Variants in NEGR1 observed in about 807,000 individuals in gnomAD.
NEGR1 encodes the protein neuronal growth regulator 1, also known as IgLON family member 4.
A neutral mutation model predicts 40.9 loss-of-function variants in NEGR1; 10 were observed. The ratio of observed to expected loss-of-function variants is 0.24; its 90% CI spans 0.15 to 0.42. The LOEUF (loss-of-function observed/expected upper bound fraction) is 0.42, where lower values mean the gene tolerates loss of function less well. NEGR1 is among the 10% of genes least tolerant of loss of function. The probability of loss-of-function intolerance (pLI) is 1.00; values close to 1 mark genes in which losing one functional copy is unlikely to be tolerated. For missense variants in NEGR1, 352 were observed against 438.9 expected (o/e 0.80, Z 1.77); for synonymous variants, 185 against 166.8 (o/e 1.11, Z -0.84).
intron 3 of NEGR1, 86 bp downstream of exon 3, chr1:71,776,086 A>G (rs1481554863): frequency 1.2e-6 from 1 of 868,398 alleles, no homozygotes; most frequent in East Asian, 3.1e-5. Flanking sequence ...AATTAAGTTG[A>G]CTCTTAAGTT....
chr1:71,928,061 C>CACACACATATGTACATATATGTATAT (rs1645796172), intron 2 of NEGR1, among the ~76,000 whole-genome samples: 1 of 53,724 alleles, frequency 1.9e-5, no homozygotes, highest in South Asian at 4.8e-4. Flanking sequence ...TATATATATA[C>CACACACATATGTACATATATGTATAT]ACACACACAT....
chr1:71,763,345 AG>A (rs1656012523), intron 3 of NEGR1, among the ~76,000 whole-genome samples: 1 of 152,244 alleles, frequency 6.6e-6, no homozygotes, highest in South Asian at 2.1e-4. Flanking sequence ...TTTGGTCTCA[AG>A]GGACAGGGGA....
intron 3 of NEGR1, among the ~76,000 whole-genome samples, chr1:71,719,857 T>C (rs918794443): frequency 1.3e-5 from 2 of 152,092 alleles, no homozygotes; most frequent in African/African-American, 4.8e-5. Context: ...TAAAGACCAA[T>C]GTGAGATAAG....
chr1:72,019,452 C>A lies in NEGR1; in HGVS notation c.177-84141G>T, dbSNP rs201785945. Among the ~76,000 whole-genome samples, 8 of 152,118 alleles carry A rather than the reference C, an allele frequency of 5.3e-5. No homozygotes were observed. In the East Asian group the frequency reaches 1.6e-3, roughly 30 times the overall value. ...AATGCTGTATTATAATGCAGCTGTA[C>A]CATATGCCTGGTTTCATCAGTATGA... On this transcript the variant is annotated intron_variant, in intron 1 of 6. Transcript: ENST00000357731.
At chr1:72,027,411 T>C (rs943258188) in intron 1 of NEGR1, among the ~76,000 whole-genome samples, 1 of 152,104 alleles carries the variant, frequency 6.6e-6, no homozygotes, top group Non-Finnish European at 1.5e-5. Flanking sequence ...TGGTTTCATA[T>C]GATAGATCTA....
intron 2 of NEGR1, among the ~76,000 whole-genome samples, chr1:71,792,882 C>T (rs558039793): frequency 8.7e-4 from 132 of 152,098 alleles, no homozygotes; most frequent in African/African-American, 3.1e-3. Flanking sequence ...TATCTTATTT[C>T]TTTCTAGGTG....
chr1:71,809,722 C>T (rs1322639880), intron 2 of NEGR1, among the ~76,000 whole-genome samples: 1 of 152,022 alleles, frequency 6.6e-6, no homozygotes, highest in African/African-American at 2.4e-5. Context: ...ATGAAGCTAA[C>T]ATGTCCAATG....
intron 6 of NEGR1, among the ~76,000 whole-genome samples, chr1:71,418,598 A>G (rs1358329099): frequency 6.6e-6 from 1 of 151,964 alleles, no homozygotes; most frequent in Non-Finnish European, 1.5e-5. Flanking sequence ...ACCTTCTTCT[A>G]CTTCCTCCCA....
chr1:71,769,741 C>A (rs1656250819), intron 3 of NEGR1, among the ~76,000 whole-genome samples: 1 of 152,172 alleles, frequency 6.6e-6, no homozygotes, highest in African/African-American at 2.4e-5. Context: ...ATTACCCAGT[C>A]TTGGGTATGT....
At chr1:71,953,298 T>A (rs79085594) in intron 1 of NEGR1, among the ~76,000 whole-genome samples, 18,094 of 151,860 alleles carry the variant, frequency 0.12, 1,127 homozygotes, top group South Asian at 0.18. Context: ...GGTCAAAATA[T>A]CAAGTGACTG....
chr1:71,531,041 C>T (rs1238185579), intron 6 of NEGR1, among the ~76,000 whole-genome samples: 2 of 151,202 alleles, frequency 1.3e-5, no homozygotes, highest in Non-Finnish European at 3.0e-5. Flanking sequence ...TTATTGTACA[C>T]CCACCCCATT....
At chr1:72,135,868 G>C (rs1169367360) in intron 1 of NEGR1, among the ~76,000 whole-genome samples, 1 of 152,148 alleles carries the variant, frequency 6.6e-6, no homozygotes, top group African/African-American at 2.4e-5. Context: ...AGCTAGACTT[G>C]AAATCTCATA....
intron 1 of NEGR1, among the ~76,000 whole-genome samples, chr1:72,228,228 G>C (rs931444973): frequency 6.6e-6 from 1 of 152,140 alleles, no homozygotes; most frequent in African/African-American, 2.4e-5. Flanking sequence ...TAAATTGGTG[G>C]ACTCGGAAAA....
intron 2 of NEGR1, among the ~76,000 whole-genome samples, chr1:71,864,996 G>A (rs1660070727): frequency 6.6e-6 from 1 of 152,148 alleles, no homozygotes; most frequent in Non-Finnish European, 1.5e-5. Context: ...ACTAAGAACA[G>A]TTCATTGAGG....
chr1:71,703,650 A>G (rs115542129), intron 3 of NEGR1, among the ~76,000 whole-genome samples: 5,134 of 152,084 alleles, frequency 0.034, 164 homozygotes, highest in Admixed American at 0.081. Flanking sequence ...TATGAAATTA[A>G]CTATTAATTG....
At chr1:71,723,821 G>C (rs1654587458) in intron 3 of NEGR1, among the ~76,000 whole-genome samples, 2 of 152,090 alleles carry the variant, frequency 1.3e-5, no homozygotes, top group Non-Finnish European at 2.9e-5. Flanking sequence ...TTTGTAATTG[G>C]TGTGTAAAGT....
intron 2 of NEGR1, among the ~76,000 whole-genome samples, chr1:71,828,903 C>T (rs1309674990): frequency 1.3e-5 from 2 of 152,078 alleles, no homozygotes; most frequent in East Asian, 3.9e-4. Context: ...TGAGACAAGG[C>T]TGAGGGCAGA....
chr1:71,719,841 TA>T (rs1654441961), intron 3 of NEGR1, among the ~76,000 whole-genome samples: 1 of 152,152 alleles, frequency 6.6e-6, no homozygotes, highest in South Asian at 2.1e-4. Flanking sequence ...GTGTTCTTTT[TA>T]GGTGTAAAGA....
chr1:72,028,455 T>G (rs374521019), intron 1 of NEGR1, among the ~76,000 whole-genome samples: 17 of 152,244 alleles, frequency 1.1e-4, no homozygotes, highest in African/African-American at 4.1e-4. Context: ...GCTATATGAG[T>G]GTAATTAATG....
Sources: allele counts gnomAD v4.1 joint callset (sites outside exome capture counted in the v4.1 genomes callset), GRCh38; gene constraint gnomAD v4.1.1; transcripts MANE v1.5; gene names NCBI Gene and HGNC (gene_info 2026-07-23, HGNC 2026-07-21).